ANXA13: variants seen among roughly 807,000 people sequenced by gnomAD.
ANXA13 encodes annexin XIII.
Under a neutral mutation model 46.6 loss-of-function variants are expected in ANXA13, and 36 were observed. The observed-to-expected ratio is 0.77, with a 90% CI of 0.59 to 1.02. The LOEUF is 1.02. Among genes scored for constraint, ANXA13 ranks in the 50% least tolerant of loss-of-function variants. The pLI is 0.00. For missense variants in ANXA13, 417 were observed against 396.5 expected, an observed-to-expected ratio of 1.05 and a Z score of -0.44; for synonymous variants, 163 against 152.9, an observed-to-expected ratio of 1.07 and a Z score of -0.49.
chr8:123,717,218 C>T (rs1005500737), intron 1 of ANXA13, among the ~76,000 whole-genome samples: 3 of 152,180 alleles, frequency 2.0e-5, no homozygotes, highest in Admixed American at 6.5e-5. Context: ...CTCTAAGCTA[C>T]CATTTCCTCA....
intron 8 of ANXA13, among the ~76,000 whole-genome samples, chr8:123,689,958 G>A (rs1244020952): frequency 2.0e-5 from 3 of 152,174 alleles, no homozygotes; most frequent in African/African-American, 7.2e-5. Context: ...ATATGTCGGG[G>A]GAGGAACTGT....
intron 1 of ANXA13, among the ~76,000 whole-genome samples, chr8:123,723,038 T>C (rs1813914827): frequency 6.6e-6 from 1 of 152,232 alleles, no homozygotes; most frequent in South Asian, 2.1e-4. Flanking sequence ...GTTTCCAATA[T>C]GCTTTCTTCT....
intron 8 of ANXA13, among the ~76,000 whole-genome samples, chr8:123,691,816 T>C (rs1432446555): frequency 6.6e-6 from 1 of 152,204 alleles, no homozygotes; most frequent in Non-Finnish European, 1.5e-5. Context: ...GTGATGCTGA[T>C]GGTGCTGTTT....
intron 9 of ANXA13, 139 bp downstream of exon 9, chr8:123,688,730 ACT>A (rs1258086860): frequency 1.9e-5 from 13 of 696,816 alleles, no homozygotes; most frequent in Non-Finnish European, 2.3e-5. Flanking sequence ...CATCACAGTC[ACT>A]CTCTCTCTTG....
At chr8:123,715,867 G>A (rs1367825) in intron 1 of ANXA13, among the ~76,000 whole-genome samples, 8,358 of 152,192 alleles carry the variant, frequency 0.055, 290 homozygotes, top group Non-Finnish European at 0.078. Flanking sequence ...TCCCCTTCCC[G>A]TTTTAGGGAG....
At chr8:123,724,510 G>C (rs903273736) in intron 1 of ANXA13, among the ~76,000 whole-genome samples, 3 of 152,192 alleles carry the variant, frequency 2.0e-5, no homozygotes, top group Non-Finnish European at 4.4e-5. Context: ...AACTTCCGCT[G>C]TTGATATCCC....
chr8:123,718,730 T>C (rs1288676036), intron 1 of ANXA13, among the ~76,000 whole-genome samples: 2 of 152,234 alleles, frequency 1.3e-5, no homozygotes, highest in East Asian at 3.8e-4. Flanking sequence ...GAATGATCCA[T>C]TTTTCTCAAA....
intron 10 of ANXA13, 43 bp from the exon 11 acceptor site, chr8:123,681,402 T>G: frequency 1.3e-6 from 2 of 1,589,692 alleles, no homozygotes; most frequent in Non-Finnish European, 1.7e-6. Flanking sequence ...ACGTTTATGG[T>G]GTGTTCACAA....
chr8:123,726,777 G>A (rs1814004741), intron 1 of ANXA13, among the ~76,000 whole-genome samples: 1 of 152,190 alleles, frequency 6.6e-6, no homozygotes, highest in Admixed American at 6.5e-5. Flanking sequence ...AGCACAATTT[G>A]CGATTGTAAA....
rs750958045 is a variant in ANXA13, at chr8:123,688,782, C to T, written c.718+89G>A. On this transcript the variant is annotated intron_variant, in intron 9 of 10. Transcript: ENST00000419625. ...GACCTGTTGACCCCCAAAAGCTATT[C>T]CCTCAAATCTTCCTACACACAAACC... The T allele has an allele frequency of 8.6e-6, 10 of 1,169,330 alleles. No individual in the cohort carries two copies. In the African/African-American group the frequency reaches 1.4e-4, roughly 16 times the overall value. The allele number at this position is 1,169,330 out of a possible 1,614,324, so 72.4% of individuals were successfully genotyped here.
intron 1 of ANXA13, among the ~76,000 whole-genome samples, chr8:123,723,167 G>A (rs1268620475): frequency 6.6e-6 from 1 of 152,122 alleles, no homozygotes; most frequent in Non-Finnish European, 1.5e-5. Flanking sequence ...ATTCCCAAGG[G>A]GCCCATCAGT....
chr8:123,688,605 G>A (rs768420997), intron 9 of ANXA13, among the ~76,000 whole-genome samples: 5 of 152,154 alleles, frequency 3.3e-5, no homozygotes, highest in Admixed American at 1.3e-4. Flanking sequence ...CCCTGGTACA[G>A]CCAGTGTTAC....
chr8:123,687,533 G>T (rs1409940649), intron 9 of ANXA13, among the ~76,000 whole-genome samples: 1 of 152,140 alleles, frequency 6.6e-6, no homozygotes, highest in Non-Finnish European at 1.5e-5. Context: ...CATGAGTAAT[G>T]CCAGGGATTT....
At chr8:123,699,647 T>G (rs79759429) in intron 3 of ANXA13, among the ~76,000 whole-genome samples, 2,805 of 152,346 alleles carry the variant, frequency 0.018, 86 homozygotes, top group African/African-American at 0.063. Flanking sequence ...ATGCCCTAAC[T>G]TAAACCAAAG....
At chr8:123,721,759 A>G (rs11998151) in intron 1 of ANXA13, among the ~76,000 whole-genome samples, 50,153 of 152,062 alleles carry the variant, frequency 0.33, 8,494 homozygotes, top group Non-Finnish European at 0.36. Flanking sequence ...AGCAAAATAT[A>G]GAGCACTTCA....
intron 6 of ANXA13, 37 bp downstream of exon 6, chr8:123,695,465 T>C: frequency 6.6e-7 from 1 of 1,524,376 alleles, no homozygotes; most frequent in Non-Finnish European, 9.1e-7. Flanking sequence ...GATTCTTTCC[T>C]AAGATGATAA....
intron 1 of ANXA13, among the ~76,000 whole-genome samples, chr8:123,727,112 C>T (rs769030474): frequency 1.1e-4 from 16 of 152,096 alleles, no homozygotes; most frequent in Non-Finnish European, 1.8e-4. Flanking sequence ...GTATACTGCT[C>T]GGGTGATGGG....
intron 1 of ANXA13, among the ~76,000 whole-genome samples, chr8:123,726,663 G>A (rs956324844): frequency 1.3e-5 from 2 of 152,154 alleles, no homozygotes; most frequent in Admixed American, 1.3e-4. Context: ...TCTCACTCTG[G>A]TATAAGAACT....
chr8:123,729,525 G>T (rs901384663), intron 1 of ANXA13, among the ~76,000 whole-genome samples: 5 of 152,172 alleles, frequency 3.3e-5, no homozygotes, highest in African/African-American at 1.2e-4. Context: ...CCTGATAGGG[G>T]AGATGTACAT....
Sources: allele counts gnomAD v4.1 joint callset (sites outside exome capture counted in the v4.1 genomes callset), GRCh38; gene constraint gnomAD v4.1.1; transcripts MANE v1.5; gene names NCBI Gene and HGNC (gene_info 2026-07-23, HGNC 2026-07-21).